The following SYNGR1 variants were observed in gnomAD, a reference collection of about 807,000 sequenced individuals.
The protein encoded by SYNGR1 is synaptogyrin-1.
SYNGR1 carries 14 observed loss-of-function variants against 26.1 expected under a neutral mutation model. The observed-to-expected ratio is 0.54, with a 90% CI of 0.35 to 0.84. The LOEUF (loss-of-function observed/expected upper bound fraction) is 0.84. Among genes scored for constraint, SYNGR1 ranks in the 40% least tolerant of loss-of-function variants. SYNGR1 has a pLI of 0.01. For synonymous variants in SYNGR1, 141 were observed against 150.1 expected, an observed-to-expected ratio of 0.94 and a Z score of 0.44; for missense variants, 319 against 332.9, an observed-to-expected ratio of 0.96 and a Z score of 0.33.
At chr22:39,376,262 T>A (rs1187863708) in intron 3 of SYNGR1, 65 bp downstream of exon 3, 1 of 1,612,268 alleles carries the variant, frequency 6.2e-7, no homozygotes, top group African/African-American at 1.3e-5. Context: ...CCTGGATGGG[T>A]GGCCTTTCGC....
intron 1 of SYNGR1, among the ~76,000 whole-genome samples, chr22:39,368,344 G>A (rs1374214737): frequency 1.3e-5 from 2 of 152,202 alleles, no homozygotes; most frequent in Non-Finnish European, 2.9e-5. Flanking sequence ...GCCACACTGG[G>A]ATTCAGTGGG....
chr22:39,371,792 G>A (rs1019719864), intron 1 of SYNGR1, among the ~76,000 whole-genome samples: 9 of 152,030 alleles, frequency 5.9e-5, no homozygotes, highest in South Asian at 2.1e-4. Context: ...GCCAAAAAGC[G>A]TGAACTTTAG....
At chr22:39,378,380 C>CATTT in intron 3 of SYNGR1, 1 of 978,904 alleles carries the variant, frequency 1.0e-6, no homozygotes, top group Non-Finnish European at 1.2e-6. Context: ...TTTGTTCATT[C>CATTT]ATTCATTCAT....
At chr22:39,365,112 G>A (rs539995312) in intron 1 of SYNGR1, among the ~76,000 whole-genome samples, 1 of 152,234 alleles carries the variant, frequency 6.6e-6, no homozygotes, top group African/African-American at 2.4e-5. Context: ...TGGGCCTCTG[G>A]CTCTGCCTCT....
chr22:39,363,620 T>G (rs1924591974), intron 1 of SYNGR1, among the ~76,000 whole-genome samples: 1 of 151,860 alleles, frequency 6.6e-6, no homozygotes, highest in Non-Finnish European at 1.5e-5. Context: ...TCAGGGCCAT[T>G]CTAGGGTGAT....
intron 1 of SYNGR1, among the ~76,000 whole-genome samples, chr22:39,362,880 C>G (rs12158008): frequency 1.1e-4 from 17 of 152,228 alleles, no homozygotes; most frequent in African/African-American, 3.9e-4. Context: ...CCCCTCAAAG[C>G]CTTTCCTGAC....
At position 39,374,297 on chromosome 22, in the gene SYNGR1, G is replaced by A. The variant is rs375552057; in HGVS notation, c.100-19G>A. On this transcript the variant is annotated intron_variant, in intron 1 of 3. Coordinates refer to ENST00000328933, the MANE Select transcript of SYNGR1 (RefSeq NM_004711.5). ...GCAGGGGTCTGCCCAGGTCTAAGGT[G>A]TGGCCCCACCCCCGACAGCTGTTCT... 427 of 1,612,194 alleles carry A rather than the reference G, an allele frequency of 2.6e-4. No individual in the cohort carries two copies. The highest frequency in any genetic ancestry group is 3.4e-4 in the Non-Finnish European group (395 of 1,178,888).
chr22:39,350,259 C>T lies in SYNGR1; in HGVS notation c.99+150C>T. ...GAGGAGCTGTCCTGCCTGCGGGGCC[C>T]GCTGCCGCCGCTCCTCCTTCCCGGG... On this transcript the variant is annotated intron_variant, in intron 1 of 3. Coordinates refer to ENST00000328933, the MANE Select transcript of SYNGR1 (RefSeq NM_004711.5). The surrounding 1 kb of genome is among the most constrained non-coding windows in gnomAD (Gnocchi z 4.3). The T allele has an allele frequency of 5.2e-6, 2 of 382,206 alleles. No homozygotes were observed. The highest frequency in any genetic ancestry group is 8.9e-4 in the Middle Eastern group (1 of 1,126). 23.7% of individuals were successfully genotyped at this position (382,206 alleles called of 1,614,324 possible).
rs1264904295 is a variant in SYNGR1 at position 39,382,275 on chromosome 22, G to C, written c.*361G>C. ...CTGGAAAGGGGAGCGATGAGCTGTG[G>C]AGGAAGCCCTGGTGGTACCAGAGGC... On this transcript the variant is annotated 3_prime_UTR_variant, in exon 4 of 4. Coordinates refer to ENST00000328933, the MANE Select transcript of SYNGR1 (RefSeq NM_004711.5). 1.3e-5 allele frequency: 5 copies of C among 385,232 alleles called. No homozygotes were observed. The highest frequency in any genetic ancestry group is 2.0e-5 in the African/African-American group (1 of 48,878). The allele number at this position is 385,232 out of a possible 1,614,324, so 23.9% of individuals were successfully genotyped here.
chr22:39,381,949 C>G lies in SYNGR1; in HGVS notation c.*35C>G. On this transcript the variant is annotated 3_prime_UTR_variant, in exon 4 of 4. Coordinates refer to ENST00000328933, the MANE Select transcript of SYNGR1 (RefSeq NM_004711.5). Reference sequence around the variant, plus strand: ...ACCGCCTGCCCCCGCCCCTCCCCATCTGTCCCCTCTCTCCACACCCAGCCC... The same window carrying G: ...ACCGCCTGCCCCCGCCCCTCCCCATGTGTCCCCTCTCTCCACACCCAGCCC... The G allele has an allele frequency of 6.4e-7, 1 of 1,561,556 alleles. No homozygotes were observed. The highest frequency in any genetic ancestry group is 8.7e-7 in the Non-Finnish European group (1 of 1,154,506).
chr22:39,354,879 C>T (rs1252722913), intron 1 of SYNGR1, among the ~76,000 whole-genome samples: 2 of 151,374 alleles, frequency 1.3e-5, no homozygotes, highest in African/African-American at 4.8e-5. Context: ...TTTGTAAACA[C>T]AGCAGTTTCA....
intron 1 of SYNGR1, among the ~76,000 whole-genome samples, chr22:39,354,902 T>C (rs1458187161): frequency 2.6e-5 from 4 of 151,268 alleles, no homozygotes; most frequent in Non-Finnish European, 5.9e-5. Flanking sequence ...ATAAGACCCC[T>C]TGCCTCCCCC....
chr22:39,364,334 G>A, intron 1 of SYNGR1: 1 of 1,613,730 alleles, frequency 6.2e-7, no homozygotes, highest in African/African-American at 1.3e-5. Context: ...CGAGAGGCAG[G>A]GCCTCTCTGA....
intron 1 of SYNGR1, among the ~76,000 whole-genome samples, chr22:39,365,723 A>C (rs1337360992): frequency 6.6e-6 from 1 of 151,856 alleles, no homozygotes; most frequent in Non-Finnish European, 1.5e-5. Context: ...CAGTTTCCCC[A>C]CTTGTGGACC....
intron 1 of SYNGR1, among the ~76,000 whole-genome samples, chr22:39,356,522 A>T (rs3788551): frequency 0.21 from 31,827 of 152,094 alleles, 7,332 homozygotes; most frequent in African/African-American, 0.58. Context: ...CCACATGAGC[A>T]GCGTGTGCAA....
Position 39,381,712 on chromosome 22 carries a change from T to C in SYNGR1, c.500T>C (p.Leu167Pro). 6.2e-7 allele frequency: 1 copy of C among 1,613,372 alleles called. No homozygotes were observed. The highest frequency in any genetic ancestry group is 8.5e-7 in the Non-Finnish European group (1 of 1,179,988). ...SIFTWAGQAV[L>P]AFQRYQIGAD... Reference sequence around the variant, plus strand: ...TGTCCCCAGGCGGGCCAGGCTGTGCTGGCCTTCCAGCGGTACCAGATTGGC... The same window carrying C: ...TGTCCCCAGGCGGGCCAGGCTGTGCCGGCCTTCCAGCGGTACCAGATTGGC... The change falls in exon 4 of 4, where the codon CTG becomes CCG. Residue 167 changes from leucine to proline, a missense_variant. Physicochemically the swap from Leu to Pro is moderately conservative, Grantham distance 98 (BLOSUM62 -3). Coordinates refer to ENST00000328933, the MANE Select transcript of SYNGR1 (RefSeq NM_004711.5).
chr22:39,377,776 G>A, intron 3 of SYNGR1: 1 of 1,561,822 alleles, frequency 6.4e-7, no homozygotes, highest in Non-Finnish European at 8.6e-7. Flanking sequence ...AAATGTCCAA[G>A]ATGCCAGGGC....
At chr22:39,373,504 A>G (rs960654736) in intron 1 of SYNGR1, among the ~76,000 whole-genome samples, 3 of 150,664 alleles carry the variant, frequency 2.0e-5, no homozygotes, top group Admixed American at 6.6e-5. Flanking sequence ...TTTTTTTGAG[A>G]CAGAGCCTCT....
In SYNGR1 at chr22:39,374,379, G is replaced by C. The variant is rs150117922; in HGVS notation, c.163G>C (p.Gly55Arg). 3.5e-5 allele frequency: 56 copies of C among 1,613,962 alleles called. No individual in the cohort carries two copies. The African/African-American group carries it at 7.2e-4, about 21-fold the overall frequency. Reference sequence around the variant, plus strand: ...GGGCTACCTCAACAGCGCCTCCGAGGGGGAGGAGTTCTGCATCTACAACCG... The same window carrying C: ...GGGCTACCTCAACAGCGCCTCCGAGCGGGAGGAGTTCTGCATCTACAACCG... ...NEGYLNSASEGEEFCIYNRNP... is the reference protein window; with the variant it reads ...NEGYLNSASEREEFCIYNRNP... The change falls in exon 2 of 4, where the codon GGG becomes CGG. Residue 55 changes from glycine to arginine, a missense_variant. Coordinates refer to ENST00000328933, the MANE Select transcript of SYNGR1 (RefSeq NM_004711.5).
Sources: gnomAD v4.1 joint callset for allele counts (sites outside exome capture counted in the v4.1 genomes callset) on GRCh38, gnomAD v4.1.1 for gene constraint, Gnocchi (gnomAD v3.1) non-coding constraint, MANE v1.5 for transcripts, NCBI Gene and HGNC (gene_info 2026-07-23, HGNC 2026-07-21) for gene names.